Variants in PIBF1 observed in about 807,000 individuals in gnomAD.
PIBF1 encodes the protein progesterone immunomodulatory binding factor 1.
PIBF1 carries 90 observed loss-of-function variants against 112.5 expected under a neutral mutation model. The ratio of observed to expected loss-of-function variants is 0.80; its 90% CI spans 0.67 to 0.95. The LOEUF is 0.95. Among genes scored for constraint, PIBF1 ranks in the 40% least tolerant of loss-of-function variants. The pLI is 0.00. For synonymous variants in PIBF1, 301 were observed against 288.6 expected (o/e 1.04, Z -0.44); for missense variants, 915 against 852.3 (o/e 1.07, Z -0.92).
intron 17 of PIBF1, among the ~76,000 whole-genome samples, chr13:73,000,497 T>C (rs2043824664): frequency 6.6e-6 from 1 of 152,186 alleles, no homozygotes. Flanking sequence ...GAGGACTGTT[T>C]ATTAAGGGCT....
intron 8 of PIBF1, among the ~76,000 whole-genome samples, chr13:72,833,009 A>C (rs577466453): frequency 1.8e-4 from 27 of 151,970 alleles, no homozygotes; most frequent in African/African-American, 4.3e-4. Flanking sequence ...TCCTTATTTC[A>C]TTAAGTTGAT....
intron 5 of PIBF1, among the ~76,000 whole-genome samples, chr13:72,816,390 C>A (rs1261671757): frequency 6.6e-6 from 1 of 152,272 alleles, no homozygotes; most frequent in Non-Finnish European, 1.5e-5. Flanking sequence ...CGCCTGTAAT[C>A]CCACTTTGGG....
chr13:72,816,664 A>C (rs1448293877), intron 5 of PIBF1, among the ~76,000 whole-genome samples: 1 of 151,904 alleles, frequency 6.6e-6, no homozygotes, highest in Non-Finnish European at 1.5e-5. Context: ...CTGTCTCAAA[A>C]AAAAAAAAAA....
chr13:72,790,002 A>G (rs2034814765), intron 2 of PIBF1, among the ~76,000 whole-genome samples: 1 of 152,334 alleles, frequency 6.6e-6, no homozygotes, highest in African/African-American at 2.4e-5. Context: ...ATATATGCCA[A>G]TGGATATGAC....
At position 72,898,572 on chromosome 13, in the gene PIBF1, C is replaced by T. The variant is rs546611993; in HGVS notation, c.1488+4623C>T. Among the ~76,000 whole-genome samples, 14 of 151,914 alleles carry T rather than the reference C, an allele frequency of 9.2e-5. 1 individual carries two copies. In the South Asian group the frequency reaches 2.9e-3, roughly 32 times the overall value. Reference sequence around the variant, plus strand: ...ATAGATCAGGCCAGGCACGGTGGCTCACGCCTGTAATCCCAGCACTTTGGG... The same window carrying T: ...ATAGATCAGGCCAGGCACGGTGGCTTACGCCTGTAATCCCAGCACTTTGGG... On this transcript the variant is annotated intron_variant, in intron 11 of 17. Coordinates refer to ENST00000326291, the MANE Select transcript of PIBF1 (RefSeq NM_006346.4).
At chr13:72,819,845 T>C (rs1396345339) in intron 5 of PIBF1, among the ~76,000 whole-genome samples, 1 of 152,180 alleles carries the variant, frequency 6.6e-6, no homozygotes, top group African/African-American at 2.4e-5. Context: ...TCAATATTAT[T>C]GACTGCTTCA....
intron 6 of PIBF1, among the ~76,000 whole-genome samples, chr13:72,826,370 C>T (rs1034374393): frequency 6.6e-6 from 1 of 152,064 alleles, no homozygotes; most frequent in Non-Finnish European, 1.5e-5. Context: ...TGTGGAAATA[C>T]CAGGTGGGTC....
At chr13:72,844,867 C>T (rs949356570) in intron 9 of PIBF1, among the ~76,000 whole-genome samples, 11 of 150,348 alleles carry the variant, frequency 7.3e-5, no homozygotes, top group Admixed American at 6.7e-5. Flanking sequence ...TCCTCCCCGC[C>T]GACCTCAGCC....
At chr13:72,924,013 T>C (rs1363251246) in intron 13 of PIBF1, among the ~76,000 whole-genome samples, 1 of 152,210 alleles carries the variant, frequency 6.6e-6, no homozygotes, top group Non-Finnish European at 1.5e-5. Context: ...TTTCATTGTA[T>C]GTTTATTGTG....
Position 72,875,024 on chromosome 13 carries a change from T to TGTAC in PIBF1, c.1323-18759_1323-18756dup, listed in dbSNP as rs139457952. On this transcript the variant is annotated intron_variant, in intron 10 of 17. Coordinates refer to ENST00000326291, the MANE Select transcript of PIBF1 (RefSeq NM_006346.4). ...CTGGTCCAAGTTCACTCTTAAGGGT[T>TGTAC]GTACATTCTGTATGTTTGGACAAAT... Among the ~76,000 whole-genome samples, 1,282 of 152,282 alleles carry TGTAC rather than the reference T, an allele frequency of 8.4e-3. 64 individuals carry two copies. Among genetic ancestry groups the TGTAC allele is most frequent in the East Asian group, 9.5e-3 (49 of 5,180 alleles).
At chr13:72,794,357 G>A (rs1051265390) in intron 3 of PIBF1, among the ~76,000 whole-genome samples, 1 of 152,164 alleles carries the variant, frequency 6.6e-6, no homozygotes, top group African/African-American at 2.4e-5. Context: ...AGGGGGAAGT[G>A]CAGTGAAGTC....
chr13:72,931,226 C>G lies in PIBF1; in HGVS notation c.1792C>G (p.Leu598Val), dbSNP rs1185374888. ...EKQNSLILKD[L>V]EHRKDQVTQL... is the part of the protein sequence containing the mutation. ...ACAAAACTCGCTGATTTTAAAAGAT[C>G]TGGAACATCGAAAGGACCAAGTAAC... The change falls in exon 14 of 18, where the codon CTG becomes GTG. Residue 598 changes from leucine (L) to valine (V), a missense_variant. By Grantham distance (32) the Leu-to-Val change is conservative. Transcript: ENST00000326291. The G allele has an allele frequency of 6.2e-7, 1 of 1,612,970 alleles. No individual in the cohort carries two copies. Among genetic ancestry groups the G allele is most frequent in the African/African-American group, 1.3e-5 (1 of 74,886 alleles).
At chr13:72,909,279 G>A (rs1240625275) in intron 12 of PIBF1, among the ~76,000 whole-genome samples, 1 of 152,100 alleles carries the variant, frequency 6.6e-6, no homozygotes, top group African/African-American at 2.4e-5. Context: ...CTGGGGATTA[G>A]GAGTTCATGG....
At chr13:72,892,738 C>T (rs1215866416) in intron 10 of PIBF1, among the ~76,000 whole-genome samples, 1 of 151,516 alleles carries the variant, frequency 6.6e-6, no homozygotes, top group East Asian at 1.9e-4. Flanking sequence ...ATATAACTCA[C>T]ATTTCTTCTC....
At chr13:72,891,495 G>C (rs1404983756) in intron 10 of PIBF1, among the ~76,000 whole-genome samples, 3 of 86,300 alleles carry the variant, frequency 3.5e-5, no homozygotes, top group Non-Finnish European at 6.7e-5. Flanking sequence ...CTTTTTTTTA[G>C]TAAAAGGTAT....
intron 8 of PIBF1, among the ~76,000 whole-genome samples, chr13:72,832,544 T>C (rs2037173213): frequency 1.3e-5 from 2 of 152,218 alleles, no homozygotes; most frequent in Admixed American, 1.3e-4. Context: ...TGGCTGGATA[T>C]GAAATTCTGG....
intron 9 of PIBF1, among the ~76,000 whole-genome samples, chr13:72,845,573 T>G (rs114487414): frequency 1.3e-5 from 2 of 152,190 alleles, no homozygotes; most frequent in African/African-American, 4.8e-5. Flanking sequence ...TTCTTGTAGA[T>G]CCTTGAGGAA....
intron 8 of PIBF1, among the ~76,000 whole-genome samples, chr13:72,831,704 G>C (rs1208107578): frequency 6.6e-6 from 1 of 151,504 alleles, no homozygotes; most frequent in African/African-American, 2.4e-5. Context: ...CAGTTTTAGA[G>C]TGAGTGTGAT....
chr13:72,853,180 T>TA (rs749324130), intron 9 of PIBF1, among the ~76,000 whole-genome samples: 64 of 152,168 alleles, frequency 4.2e-4, no homozygotes, highest in Non-Finnish European at 8.2e-4. Context: ...GCTAGTTGTG[T>TA]AATCTCCCAG....
Sources: gnomAD v4.1 joint callset for allele counts (sites outside exome capture counted in the v4.1 genomes callset) on GRCh38, gnomAD v4.1.1 for gene constraint, MANE v1.5 for transcripts, NCBI Gene and HGNC (gene_info 2026-07-23, HGNC 2026-07-21) for gene names.